TBC1D21: variants seen among roughly 807,000 people sequenced by gnomAD.
TBC1D21 encodes the protein male germ cell Rab GTPase-activating protein.
A neutral mutation model predicts 46.0 loss-of-function variants in TBC1D21; 38 were observed. The ratio of observed to expected loss-of-function variants is 0.83; its 90% CI spans 0.64 to 1.08. TBC1D21 has a LOEUF of 1.08. TBC1D21 is among the 50% of genes least tolerant of loss of function. The probability of loss-of-function intolerance (pLI) is 0.00; values close to 1 mark genes in which losing one functional copy is unlikely to be tolerated. For synonymous variants in TBC1D21, 151 were observed against 157.2 expected, an observed-to-expected ratio of 0.96 and a Z score of 0.29; for missense variants, 415 against 417.9, an observed-to-expected ratio of 0.99 and a Z score of 0.06.
At chr15:73,900,387 C>T in the TBC1D21 span, among the ~76,000 whole-genome samples, 1 of 152,218 alleles carries the variant, frequency 6.6e-6, no homozygotes, top group African/African-American at 2.4e-5. Flanking sequence ...GCACGGCAGT[C>T]CTGCATAATT....
downstream of TBC1D21, among the ~76,000 whole-genome samples, chr15:73,893,817 G>C (rs980087640): frequency 5.3e-5 from 8 of 152,202 alleles, no homozygotes; most frequent in Non-Finnish European, 1.0e-4. Context: ...TAGCTACTAG[G>C]AAGGGCCTCC....
intron 10 of TBC1D21, 96 bp downstream of exon 10, chr15:73,888,609 TTCC>T (rs1293199210): frequency 1.5e-4 from 105 of 708,032 alleles, no homozygotes; most frequent in Middle Eastern, 3.8e-4. Context: ...CCTCCTCTTC[TTCC>T]TCCTCCTCCT....
Position 73,886,518 on chromosome 15 carries a change from A to C in TBC1D21, c.683A>C (p.Lys228Thr). The C allele has an allele frequency of 6.2e-7, 1 of 1,613,628 alleles. No individual in the cohort carries two copies. The highest frequency in any genetic ancestry group is 8.5e-7 in the Non-Finnish European group (1 of 1,179,942). The change falls in exon 8 of 11, where the codon AAG (lysine) becomes ACG (threonine). Residue 228 changes from lysine to threonine, a missense_variant. Physicochemically the swap from Lys to Thr is moderately conservative, Grantham distance 78. Coordinates refer to ENST00000300504, the MANE Select transcript of TBC1D21 (RefSeq NM_153356.3). ...TCACCTTCTCTCCCCACAGAAGGGA[A>C]GGGTGCAGGGGCTGTGCAGTCCCTC... Reference protein sequence around the residue: ...DPVFAEHLKGKGAGAVQSLFP... With the variant: ...DPVFAEHLKGTGAGAVQSLFP...
the TBC1D21 span, among the ~76,000 whole-genome samples, chr15:73,904,055 T>A: frequency 0.089 from 13,527 of 151,538 alleles, 1,040 homozygotes; most frequent in East Asian, 0.21. Flanking sequence ...CTCAAAAAAA[T>A]ATATATATAT....
downstream of TBC1D21, among the ~76,000 whole-genome samples, chr15:73,892,228 T>A (rs2068343114): frequency 6.6e-6 from 1 of 152,256 alleles, no homozygotes; most frequent in African/African-American, 2.4e-5. Context: ...ATAAAGCAAC[T>A]CTTTGCCTTG....
intron 1 of TBC1D21, among the ~76,000 whole-genome samples, chr15:73,876,196 T>TG (rs372308309): frequency 0.63 from 37,946 of 60,314 alleles, 14,972 homozygotes; most frequent in East Asian, 0.84. Context: ...ACTTTTTTTG[T>TG]GGGTTTTTTT....
intron 6 of TBC1D21, 112 bp from the exon 7 acceptor site, chr15:73,885,966 G>A (rs548246074): frequency 1.9e-4 from 146 of 787,450 alleles, no homozygotes; most frequent in Middle Eastern, 9.3e-4. Flanking sequence ...TGGGCCCAGC[G>A]CACAGACAGA....
At chr15:73,903,205 T>TA in the TBC1D21 span, among the ~76,000 whole-genome samples, 1 of 152,306 alleles carries the variant, frequency 6.6e-6, no homozygotes, top group East Asian at 1.9e-4. Context: ...ACTCAGTCCT[T>TA]ACCATAACAG....
At chr15:73,876,018 T>A (rs1222525909) in intron 1 of TBC1D21, among the ~76,000 whole-genome samples, 1 of 152,058 alleles carries the variant, frequency 6.6e-6, no homozygotes, top group East Asian at 1.9e-4. Context: ...TAAGTGACAT[T>A]TCCCCCTTTG....
the TBC1D21 span, among the ~76,000 whole-genome samples, chr15:73,894,966 C>T: frequency 6.6e-6 from 1 of 152,174 alleles, no homozygotes; most frequent in African/African-American, 2.4e-5. Context: ...AGATTCACAA[C>T]CAGAAATGAA....
chr15:73,904,717 G>A, the TBC1D21 span, among the ~76,000 whole-genome samples: 1 of 152,160 alleles, frequency 6.6e-6, no homozygotes, highest in African/African-American at 2.4e-5. Flanking sequence ...GGAGGGACGA[G>A]AGGAGCTCAT....
the TBC1D21 span, among the ~76,000 whole-genome samples, chr15:73,909,498 G>C: frequency 6.6e-6 from 1 of 152,234 alleles, no homozygotes; most frequent in Non-Finnish European, 1.5e-5. Context: ...GAAGGACAGA[G>C]TTTCATCAGG....
intron 8 of TBC1D21, among the ~76,000 whole-genome samples, chr15:73,886,945 C>G (rs563010567): frequency 6.6e-6 from 1 of 152,328 alleles, no homozygotes; most frequent in Non-Finnish European, 1.5e-5. Context: ...TTTCACTTCC[C>G]CAGCTGTCCC....
intron 8 of TBC1D21, 40 bp downstream of exon 8, chr15:73,886,652 C>T (rs1200024466): frequency 1.9e-6 from 3 of 1,579,622 alleles, no homozygotes; most frequent in East Asian, 2.2e-5. Flanking sequence ...TGGGCTCCAC[C>T]CATCAGGCAG....
chr15:73,893,871 C>A (rs2068355993), downstream of TBC1D21, among the ~76,000 whole-genome samples: 1 of 152,314 alleles, frequency 6.6e-6, no homozygotes, highest in South Asian at 2.1e-4. Flanking sequence ...TGGGCTGGAG[C>A]TTCAGGAGGT....
intron 3 of TBC1D21, among the ~76,000 whole-genome samples, chr15:73,883,888 A>G (rs1207595337): frequency 6.6e-6 from 1 of 152,222 alleles, no homozygotes; most frequent in African/African-American, 2.4e-5. Context: ...CCCGTTATTA[A>G]GATGTAGAGC....
chr15:73,889,386 T>G (rs913123406), downstream of TBC1D21, among the ~76,000 whole-genome samples: 2 of 152,084 alleles, frequency 1.3e-5, no homozygotes, highest in African/African-American at 4.8e-5. Context: ...GATGGAGGGT[T>G]TTCCAAGGCT....
the TBC1D21 span, among the ~76,000 whole-genome samples, chr15:73,904,107 A>G: frequency 6.6e-6 from 1 of 152,252 alleles, no homozygotes; most frequent in South Asian, 2.1e-4. Flanking sequence ...TTTGTGACTT[A>G]GCCCAGGCAT....
chr15:73,898,579 G>A, the TBC1D21 span, among the ~76,000 whole-genome samples: 84 of 152,046 alleles, frequency 5.5e-4, no homozygotes, highest in Non-Finnish European at 9.9e-4. Context: ...TTGTTTCAAT[G>A]TGGGCTGGGC....
Sources: allele counts gnomAD v4.1 joint callset (sites outside exome capture counted in the v4.1 genomes callset), GRCh38; gene constraint gnomAD v4.1.1; transcripts MANE v1.5; gene names NCBI Gene and HGNC (gene_info 2026-07-23, HGNC 2026-07-21).